RNGTT: variants seen among roughly 807,000 people sequenced by gnomAD.
RNGTT encodes RNA guanylyltransferase and 5'-phosphatase, also known as mRNA-capping enzyme.
A neutral mutation model predicts 79.3 loss-of-function variants in RNGTT; 33 were observed. The ratio of observed to expected loss-of-function variants is 0.42; its 90% CI spans 0.32 to 0.56. RNGTT has a LOEUF of 0.56. Ranked by LOEUF, RNGTT falls within the 20% of genes least tolerant of loss-of-function variation. RNGTT has a pLI of 0.17. For synonymous variants in RNGTT, 222 were observed against 235.9 expected, an observed-to-expected ratio of 0.94 and a Z score of 0.54; for missense variants, 497 against 739.1, an observed-to-expected ratio of 0.67 and a Z score of 3.80.
intron 14 of RNGTT, among the ~76,000 whole-genome samples, chr6:88,618,749 G>A (rs902248015): frequency 1.3e-5 from 2 of 152,024 alleles, no homozygotes; most frequent in Admixed American, 6.5e-5. Context: ...AATAATCTGG[G>A]GTTAAGAAAC....
intron 13 of RNGTT, among the ~76,000 whole-genome samples, chr6:88,754,824 C>T (rs995035796): frequency 1.3e-5 from 2 of 152,210 alleles, no homozygotes; most frequent in East Asian, 1.9e-4. Flanking sequence ...CCAGACCCAT[C>T]CCTTTATTTT....
chr6:88,903,199 C>T (rs543471489), intron 6 of RNGTT, among the ~76,000 whole-genome samples: 4 of 152,178 alleles, frequency 2.6e-5, no homozygotes, highest in African/African-American at 9.6e-5. Flanking sequence ...AAACTGTTGC[C>T]TGAATAAATA....
intron 2 of RNGTT, 39 bp from the exon 3 acceptor site, chr6:88,929,306 A>C: frequency 7.7e-7 from 1 of 1,293,802 alleles, no homozygotes. Context: ...ATTTACTAGT[A>C]ACTTAATTTG....
chr6:88,663,561 G>A (rs946368438), intron 14 of RNGTT, among the ~76,000 whole-genome samples: 11 of 152,112 alleles, frequency 7.2e-5, no homozygotes, highest in African/African-American at 2.2e-4. Flanking sequence ...CAGCTCCTAC[G>A]GTTCTGTCCG....
At chr6:88,797,661 A>G (rs900520660) in intron 12 of RNGTT, among the ~76,000 whole-genome samples, 4 of 152,064 alleles carry the variant, frequency 2.6e-5, no homozygotes, top group Non-Finnish European at 5.9e-5. Flanking sequence ...ATGCTAGATG[A>G]CAAGACTTTT....
At chr6:88,744,153 T>C (rs1582408456) in intron 13 of RNGTT, among the ~76,000 whole-genome samples, 1 of 152,214 alleles carries the variant, frequency 6.6e-6, no homozygotes, top group African/African-American at 2.4e-5. Context: ...CCTGACTATA[T>C]GATTTAACAT....
chr6:88,809,886 A>G (rs1287225850), intron 11 of RNGTT, among the ~76,000 whole-genome samples: 2 of 152,024 alleles, frequency 1.3e-5, no homozygotes, highest in African/African-American at 4.8e-5. Context: ...CTGTCTCTAC[A>G]AAAAATTTAA....
intron 13 of RNGTT, among the ~76,000 whole-genome samples, chr6:88,749,725 G>A (rs1777780887): frequency 6.6e-6 from 1 of 152,044 alleles, no homozygotes; most frequent in African/African-American, 2.4e-5. Flanking sequence ...ATAAAACAAT[G>A]TATACCAAGA....
chr6:88,802,312 T>C (rs1779816987), intron 11 of RNGTT, among the ~76,000 whole-genome samples: 1 of 149,852 alleles, frequency 6.7e-6, no homozygotes, highest in Non-Finnish European at 1.5e-5. Context: ...AGCAGAGAAT[T>C]TCATTGCAAA....
intron 8 of RNGTT, among the ~76,000 whole-genome samples, chr6:88,863,459 C>T (rs1782075819): frequency 6.6e-6 from 1 of 152,040 alleles, no homozygotes; most frequent in Non-Finnish European, 1.5e-5. Context: ...GTTAATTCAT[C>T]ACAAGTAAAT....
At chr6:88,880,918 A>G (rs1260822458) in intron 8 of RNGTT, among the ~76,000 whole-genome samples, 1 of 152,188 alleles carries the variant, frequency 6.6e-6, no homozygotes, top group Non-Finnish European at 1.5e-5. Flanking sequence ...ATAAAATTCT[A>G]TCTTTTCCCA....
chr6:88,673,993 C>T lies in RNGTT; in HGVS notation c.1506+4360G>A, dbSNP rs141810062. 4.9e-3 allele frequency among the ~76,000 whole-genome samples: 742 copies of T among 152,262 alleles called. 6 individuals carry two copies. The highest frequency in any genetic ancestry group is 0.016 in the African/African-American group (665 of 41,562). On this transcript the variant is annotated intron_variant, in intron 14 of 15. Transcript: ENST00000369485. ...GGATTCCTGGCTATACTGATGAATT[C>T]GGTGAATGGGATAGCGAGGGGGGTT...
intron 9 of RNGTT, among the ~76,000 whole-genome samples, chr6:88,851,176 T>TACATACATACATACATAGTATGTAAA (rs1781658489): frequency 6.6e-6 from 1 of 151,356 alleles, no homozygotes; most frequent in African/African-American, 2.4e-5. Context: ...GTATCTCAAT[T>TACATACATACATACATAGTATGTAAA]TTTTTTAAAA....
chr6:88,774,234 C>T (rs1778795286), intron 12 of RNGTT, among the ~76,000 whole-genome samples: 1 of 151,882 alleles, frequency 6.6e-6, no homozygotes, highest in Non-Finnish European at 1.5e-5. Flanking sequence ...TATCATTAAT[C>T]ATTAAACAAA....
intron 13 of RNGTT, among the ~76,000 whole-genome samples, chr6:88,734,387 A>G (rs542757858): frequency 1.9e-4 from 29 of 152,304 alleles, no homozygotes; most frequent in African/African-American, 6.7e-4. Flanking sequence ...CAGAGATGTC[A>G]GAAAAAGAGA....
At chr6:88,839,109 TATG>T in intron 11 of RNGTT, among the ~76,000 whole-genome samples, 1 of 151,262 alleles carries the variant, frequency 6.6e-6, no homozygotes, top group African/African-American at 2.4e-5. Flanking sequence ...TGTCTATGAC[TATG>T]ATGTTAGCTA....
intron 14 of RNGTT, among the ~76,000 whole-genome samples, chr6:88,670,087 G>C (rs1386523558): frequency 1.3e-5 from 2 of 152,238 alleles, no homozygotes; most frequent in African/African-American, 4.8e-5. Flanking sequence ...CTTGCTAGCA[G>C]TGGAAAGAGG....
rs2127810915 is a variant in RNGTT, at chr6:88,717,261, C to T, written c.1440-38842G>A. On this transcript the variant is annotated intron_variant, in intron 13 of 15. Transcript: ENST00000369485. ...CAATATAATACTTTTTATCTTTCCT[C>T]CTCTAAATTATAAATTGTTTACTAA... Among the ~76,000 whole-genome samples the T allele has an allele frequency of 2.0e-5, 3 of 152,296 alleles. 1 individual carries two copies. The South Asian group carries it at 6.2e-4, about 32-fold the overall frequency.
At chr6:88,771,482 CTCAG>C (rs1778681918) in intron 12 of RNGTT, among the ~76,000 whole-genome samples, 7 of 151,454 alleles carry the variant, frequency 4.6e-5, no homozygotes, top group Admixed American at 1.3e-4. Context: ...TGTGTAAGTC[CTCAG>C]ACTTTTATTC....
Sources: allele counts gnomAD v4.1 joint callset (sites outside exome capture counted in the v4.1 genomes callset), GRCh38; gene constraint gnomAD v4.1.1; transcripts MANE v1.5; gene names NCBI Gene and HGNC (gene_info 2026-07-23, HGNC 2026-07-21).